The following DLC1 variants were observed in gnomAD, a reference collection of about 807,000 sequenced individuals.
DLC1 encodes rho GTPase-activating protein 7.
DLC1 carries 54 observed loss-of-function variants against 140.3 expected under a neutral mutation model. The observed-to-expected ratio is 0.38, with a 90% confidence interval of 0.31 to 0.48. The LOEUF is 0.48. DLC1 is among the 20% of genes least tolerant of loss of function. The pLI is 0.96. For synonymous variants in DLC1, 986 were observed against 728.1 expected, an observed-to-expected ratio of 1.35 and a Z score of -5.70; for missense variants, 2,536 against 1,907.0, an observed-to-expected ratio of 1.33 and a Z score of -6.14.
intron 4 of DLC1, among the ~76,000 whole-genome samples, chr8:13,346,135 T>C (rs1426081615): frequency 6.6e-6 from 1 of 152,228 alleles, no homozygotes; most frequent in Non-Finnish European, 1.5e-5. Context: ...CAGAAATTAT[T>C]ACTTACTTGA....
At chr8:13,458,630 A>G (rs1799522608) in intron 2 of DLC1, among the ~76,000 whole-genome samples, 1 of 152,240 alleles carries the variant, frequency 6.6e-6, no homozygotes, top group Admixed American at 6.5e-5. Flanking sequence ...TACTACAATT[A>G]TGAAATCACA....
At chr8:13,146,941 T>C (rs1281702196) in intron 5 of DLC1, among the ~76,000 whole-genome samples, 1 of 152,226 alleles carries the variant, frequency 6.6e-6, no homozygotes, top group African/African-American at 2.4e-5. Context: ...TAATGTAGTA[T>C]AAATTTTAAA....
At chr8:13,094,431 C>T (rs1349257927) in intron 12 of DLC1, among the ~76,000 whole-genome samples, 2 of 151,996 alleles carry the variant, frequency 1.3e-5, no homozygotes, top group African/African-American at 4.8e-5. Flanking sequence ...TCTGGGAGGC[C>T]GAGGTGGGAG....
intron 5 of DLC1, among the ~76,000 whole-genome samples, chr8:13,216,192 C>T (rs1828192190): frequency 1.3e-5 from 2 of 152,096 alleles, no homozygotes; most frequent in Admixed American, 1.3e-4. Context: ...ACAATAAAGT[C>T]AACAATAATA....
At chr8:13,596,678 T>C (rs1331237541) in intron 1 of DLC1, among the ~76,000 whole-genome samples, 1 of 152,022 alleles carries the variant, frequency 6.6e-6, no homozygotes. Flanking sequence ...ATGAAAGTTC[T>C]GTACTTTATA....
At chr8:13,195,861 G>A (rs2117044953) in intron 5 of DLC1, among the ~76,000 whole-genome samples, 1 of 152,188 alleles carries the variant, frequency 6.6e-6, no homozygotes, top group South Asian at 2.1e-4. Context: ...AAAAAAATGA[G>A]CAAGGGGTCA....
chr8:13,194,450 G>A (rs1041689330), intron 5 of DLC1, among the ~76,000 whole-genome samples: 1 of 152,198 alleles, frequency 6.6e-6, no homozygotes, highest in African/African-American at 2.4e-5. Context: ...TTTTGCTGAT[G>A]GCATCAGGCA....
chr8:13,525,535 G>C (rs1802894373), intron 1 of DLC1, among the ~76,000 whole-genome samples: 1 of 152,134 alleles, frequency 6.6e-6, no homozygotes, highest in Non-Finnish European at 1.5e-5. Flanking sequence ...CATTCTAATA[G>C]ATGTATGGTC....
At chr8:13,352,040 C>G (rs182687181) in intron 4 of DLC1, among the ~76,000 whole-genome samples, 8 of 152,300 alleles carry the variant, frequency 5.3e-5, no homozygotes, top group African/African-American at 1.9e-4. Flanking sequence ...AGCCATATGT[C>G]TCTATTTAAA....
intron 5 of DLC1, among the ~76,000 whole-genome samples, chr8:13,284,868 TAAGAGAAATTG>T (rs1831487575): frequency 6.6e-6 from 1 of 152,172 alleles, no homozygotes; most frequent in Admixed American, 6.5e-5. Flanking sequence ...AAAATATTGC[TAAGAGAAATTG>T]AAGAAGATCT....
chr8:13,594,966 T>G (rs1204745295), intron 1 of DLC1, among the ~76,000 whole-genome samples: 4 of 152,114 alleles, frequency 2.6e-5, no homozygotes, highest in African/African-American at 9.7e-5. Context: ...CTTTGATTCC[T>G]ATTTTCTTGT....
intron 5 of DLC1, among the ~76,000 whole-genome samples, chr8:13,298,822 T>C (rs917304780): frequency 6.6e-6 from 1 of 152,158 alleles, no homozygotes; most frequent in South Asian, 2.1e-4. Context: ...TCAAGCAATA[T>C]ACCCATGCAA....
chr8:13,494,485 A>T (rs141564207), intron 2 of DLC1, among the ~76,000 whole-genome samples: 1 of 152,264 alleles, frequency 6.6e-6, no homozygotes, highest in Non-Finnish European at 1.5e-5. Context: ...TTGAATGTAG[A>T]GGAGGACTCG....
chr8:13,139,423 A>T (rs915897464), intron 5 of DLC1, among the ~76,000 whole-genome samples: 2 of 152,054 alleles, frequency 1.3e-5, no homozygotes, highest in African/African-American at 4.8e-5. Context: ...AGCCCAGCAT[A>T]GTACTTTCAT....
At position 13,098,533 on chromosome 8, in the gene DLC1, T is replaced by A; in HGVS notation, c.3033A>T (p.Pro1011=). ...TCTGTAGTGATACAGAGTTGAGGCT[T>A]GGCCGATGTGAGCTCTGGAAACTGT... is the stretch of plus-strand genomic sequence containing the variant. ...RWHSFQSSHR[P]SLNSVSLQIN... is the part of the protein sequence containing the mutation. The change falls in exon 10 of 18, where the codon CCA becomes CCT. Residue 1011 remains proline (P), a synonymous_variant. Coordinates refer to ENST00000276297, the MANE Select transcript of DLC1 (RefSeq NM_182643.3). 6.2e-7 allele frequency: 1 copy of A among 1,614,196 alleles called. No homozygotes were observed.
intron 2 of DLC1, among the ~76,000 whole-genome samples, chr8:13,415,855 A>G (rs1838031793): frequency 1.3e-5 from 2 of 152,190 alleles, no homozygotes; most frequent in African/African-American, 4.8e-5. Flanking sequence ...GGTATAAAGA[A>G]TATTTCTGAA....
intron 5 of DLC1, among the ~76,000 whole-genome samples, chr8:13,205,805 T>C (rs1264311734): frequency 6.6e-6 from 1 of 152,132 alleles, no homozygotes; most frequent in African/African-American, 2.4e-5. Context: ...TATTATCTCA[T>C]CTGAAAGAAA....
At chr8:13,238,036 T>C (rs545245426) in intron 5 of DLC1, among the ~76,000 whole-genome samples, 25 of 152,246 alleles carry the variant, frequency 1.6e-4, no homozygotes, top group African/African-American at 5.8e-4. Context: ...TTAACAAATA[T>C]TGGTAGCTCT....
intron 5 of DLC1, among the ~76,000 whole-genome samples, chr8:13,155,832 C>T (rs1034599096): frequency 3.9e-5 from 6 of 152,096 alleles, no homozygotes; most frequent in African/African-American, 4.8e-5. Flanking sequence ...TGAATATATT[C>T]GCTATGAGCC....
Sources: allele counts gnomAD v4.1 joint callset (sites outside exome capture counted in the v4.1 genomes callset), GRCh38; gene constraint gnomAD v4.1.1; transcripts MANE v1.5; gene names NCBI Gene and HGNC (gene_info 2026-07-23, HGNC 2026-07-21).